The following LRFN2 variants were observed in gnomAD, a reference collection of about 807,000 sequenced individuals.
The protein encoded by LRFN2 is leucine-rich repeat and fibronectin type-III domain-containing protein 2.
A neutral mutation model predicts 37.3 loss-of-function variants in LRFN2; 18 were observed. The observed-to-expected ratio is 0.48, with a 90% CI of 0.33 to 0.72. The LOEUF (loss-of-function observed/expected upper bound fraction) is 0.72. Ranked by LOEUF, LRFN2 falls within the 30% of genes least tolerant of loss-of-function variation. LRFN2 has a pLI of 0.02. For missense variants in LRFN2, 1,006 were observed against 1,060.7 expected (o/e 0.95, Z 0.72); for synonymous variants, 556 against 466.6 (o/e 1.19, Z -2.47).
chr6:40,565,287 A>G (rs1215574933), intron 1 of LRFN2, among the ~76,000 whole-genome samples: 1 of 152,226 alleles, frequency 6.6e-6, no homozygotes, highest in Admixed American at 6.5e-5. Context: ...AAGAATCAAT[A>G]TCGTGAAAAT....
intron 1 of LRFN2, among the ~76,000 whole-genome samples, chr6:40,435,080 G>GAC (rs1763625993): frequency 8.0e-5 from 11 of 137,146 alleles, no homozygotes; most frequent in Middle Eastern, 3.7e-3. Flanking sequence ...GAGAGAGAGA[G>GAC]AGAGAGAGAG....
chr6:40,454,714 A>C (rs187734373), intron 1 of LRFN2, among the ~76,000 whole-genome samples: 31 of 152,362 alleles, frequency 2.0e-4, no homozygotes, highest in African/African-American at 7.5e-4. Context: ...CTAGAAATTT[A>C]TTCTGCACAG....
chr6:40,520,096 G>T (rs1169130178), intron 1 of LRFN2, among the ~76,000 whole-genome samples: 2 of 152,184 alleles, frequency 1.3e-5, no homozygotes, highest in Non-Finnish European at 2.9e-5. Context: ...AGCAGTTCAG[G>T]CCTGACTCTG....
intron 1 of LRFN2, among the ~76,000 whole-genome samples, chr6:40,564,047 A>G (rs1382138882): frequency 6.6e-6 from 1 of 152,128 alleles, no homozygotes; most frequent in African/African-American, 2.4e-5. Context: ...CATTCTTTTT[A>G]TCTCCATTTT....
At chr6:40,418,044 T>A (rs1348910266) in intron 2 of LRFN2, among the ~76,000 whole-genome samples, 1 of 152,154 alleles carries the variant, frequency 6.6e-6, no homozygotes, top group Non-Finnish European at 1.5e-5. Flanking sequence ...CCCCAGAGGT[T>A]TCCGTCTCAT....
At chr6:40,394,507 T>A (rs1762574750) in intron 2 of LRFN2, among the ~76,000 whole-genome samples, 1 of 152,266 alleles carries the variant, frequency 6.6e-6, no homozygotes, top group East Asian at 1.9e-4. Flanking sequence ...CTGGGATCCA[T>A]GCACAGAGGA....
At chr6:40,472,762 C>T (rs750653221) in intron 1 of LRFN2, among the ~76,000 whole-genome samples, 1 of 152,204 alleles carries the variant, frequency 6.6e-6, no homozygotes, top group African/African-American at 2.4e-5. Context: ...CTCCTGCCTG[C>T]ACCTGCTGCC....
intron 1 of LRFN2, among the ~76,000 whole-genome samples, chr6:40,545,114 C>T (rs1409673272): frequency 6.6e-6 from 1 of 152,218 alleles, no homozygotes; most frequent in Non-Finnish European, 1.5e-5. Flanking sequence ...ATTGAGAGAT[C>T]ATATGAGCGA....
intron 1 of LRFN2, among the ~76,000 whole-genome samples, chr6:40,504,460 T>A (rs184802330): frequency 1.3e-5 from 2 of 152,230 alleles, no homozygotes; most frequent in Admixed American, 6.5e-5. Flanking sequence ...AAGTAACCAC[T>A]GTCATACTAA....
intron 1 of LRFN2, among the ~76,000 whole-genome samples, chr6:40,455,569 G>A (rs1005656338): frequency 2.6e-5 from 4 of 152,132 alleles, no homozygotes; most frequent in Non-Finnish European, 5.9e-5. Flanking sequence ...TCCCCCCAGG[G>A]CTCTCAAACA....
At chr6:40,563,593 T>C (rs978181018) in intron 1 of LRFN2, among the ~76,000 whole-genome samples, 2 of 152,116 alleles carry the variant, frequency 1.3e-5, no homozygotes, top group Admixed American at 6.5e-5. Context: ...CGAAGGTAGA[T>C]ATGGAAGCAG....
intron 1 of LRFN2, among the ~76,000 whole-genome samples, chr6:40,456,155 T>C (rs1467926562): frequency 4.6e-5 from 7 of 152,184 alleles, no homozygotes; most frequent in Non-Finnish European, 8.8e-5. Context: ...GAATCAAGCC[T>C]ACAGATAAGA....
chr6:40,581,252 C>G (rs898378826), intron 1 of LRFN2, among the ~76,000 whole-genome samples: 2 of 152,192 alleles, frequency 1.3e-5, no homozygotes, highest in African/African-American at 4.8e-5. Flanking sequence ...CTAGATGGCT[C>G]CGCAGAGATG....
chr6:40,507,920 T>A (rs1023914460), intron 1 of LRFN2, among the ~76,000 whole-genome samples: 1 of 152,202 alleles, frequency 6.6e-6, no homozygotes, highest in African/African-American at 2.4e-5. Context: ...AATGTGTGCC[T>A]TTTATGACAT....
intron 1 of LRFN2, among the ~76,000 whole-genome samples, chr6:40,526,029 T>A (rs897271171): frequency 6.6e-6 from 1 of 152,220 alleles, no homozygotes; most frequent in African/African-American, 2.4e-5. Flanking sequence ...TTCTCAAGAT[T>A]TTCCTGGTTT....
At chr6:40,450,439 G>A (rs1201547656) in intron 1 of LRFN2, among the ~76,000 whole-genome samples, 2 of 152,226 alleles carry the variant, frequency 1.3e-5, no homozygotes, top group Non-Finnish European at 2.9e-5. Flanking sequence ...GAAGTTAAAT[G>A]TCAAAGGCCC....
At chr6:40,449,078 C>T (rs1212830168) in intron 1 of LRFN2, among the ~76,000 whole-genome samples, 1 of 152,108 alleles carries the variant, frequency 6.6e-6, no homozygotes, top group East Asian at 1.9e-4. Context: ...CCTGTTCTTC[C>T]CTAGTAAGAA....
intron 1 of LRFN2, chr6:40,524,016 G>A (rs1001835710): frequency 2.0e-5 from 3 of 150,808 alleles, no homozygotes; most frequent in Non-Finnish European, 3.0e-5. Flanking sequence ...GGGCTGGGGA[G>A]GCCAGCCCAA....
At chr6:40,477,255 T>C (rs1764730291) in intron 1 of LRFN2, among the ~76,000 whole-genome samples, 1 of 152,170 alleles carries the variant, frequency 6.6e-6, no homozygotes, top group African/African-American at 2.4e-5. Flanking sequence ...ATTAGAAGTG[T>C]CTGCCTTTTG....
Sources: allele counts gnomAD v4.1 joint callset (sites outside exome capture counted in the v4.1 genomes callset), GRCh38; gene constraint gnomAD v4.1.1; transcripts MANE v1.5; gene names NCBI Gene and HGNC (gene_info 2026-07-23, HGNC 2026-07-21).